SOX5: variants seen among roughly 807,000 people sequenced by gnomAD.
The protein encoded by SOX5 is SRY-box transcription factor 5, also known as transcription factor SOX-5.
A neutral mutation model predicts 92.0 loss-of-function variants in SOX5; 9 were observed. That is an observed-to-expected ratio of 0.10 (90% CI 0.06 to 0.17). The LOEUF (loss-of-function observed/expected upper bound fraction) is 0.17. Ranked by LOEUF, SOX5 falls within the 10% of genes least tolerant of loss-of-function variation. The pLI is 1.00. For missense variants in SOX5, 642 were observed against 944.5 expected, an observed-to-expected ratio of 0.68 and a Z score of 4.20; for synonymous variants, 344 against 336.3, an observed-to-expected ratio of 1.02 and a Z score of -0.25.
chr12:23,811,053 G>T (rs560199537), intron 3 of SOX5, among the ~76,000 whole-genome samples: 8 of 152,244 alleles, frequency 5.3e-5, no homozygotes, highest in African/African-American at 1.7e-4. Flanking sequence ...GAGTGGGGGT[G>T]AGTAAGGTAT....
chr12:23,533,260 CA>C lies in SOX5; in HGVS notation c.*958del. Reference sequence around the variant, plus strand: ...CCATAATCACATACATACATACACACAAAAATCCAAGATCAGAAAATATTTT... The same window carrying C: ...CCATAATCACATACATACATACACACAAAATCCAAGATCAGAAAATATTTT... On this transcript the variant is annotated 3_prime_UTR_variant, in exon 15 of 15. Transcript: ENST00000451604. 2 of 406,168 alleles carry C rather than the reference CA, an allele frequency of 4.9e-6. No individual in the cohort carries two copies. Among genetic ancestry groups the C allele is most frequent in the South Asian group, 1.8e-5 (1 of 56,868 alleles). 25.2% of individuals were successfully genotyped at this position (406,168 alleles called of 1,614,324 possible).
intron 2 of SOX5, among the ~76,000 whole-genome samples, chr12:24,300,249 G>A (rs1171647619): frequency 6.6e-6 from 1 of 152,076 alleles, no homozygotes; most frequent in Non-Finnish European, 1.5e-5. Flanking sequence ...AAAAACCTGT[G>A]GATATAGGAA....
At chr12:24,065,066 G>A (rs74068180) in intron 4 of SOX5, among the ~76,000 whole-genome samples, 1,546 of 152,224 alleles carry the variant, frequency 0.01, 25 homozygotes, top group African/African-American at 0.035. Context: ...GCTTCCTACT[G>A]AAGAATGGCA....
At chr12:24,122,732 C>G (rs954241832) in intron 4 of SOX5, among the ~76,000 whole-genome samples, 1 of 152,102 alleles carries the variant, frequency 6.6e-6, no homozygotes, top group Admixed American at 6.6e-5. Context: ...GTGAGATAAA[C>G]TATTGTGTCT....
intron 2 of SOX5, among the ~76,000 whole-genome samples, chr12:23,886,053 G>T (rs1282938164): frequency 6.6e-6 from 1 of 152,104 alleles, no homozygotes; most frequent in Non-Finnish European, 1.5e-5. Context: ...ACCACCAATA[G>T]TGTCCCAAGC....
At chr12:24,050,828 A>C (rs917546743) in intron 4 of SOX5, among the ~76,000 whole-genome samples, 3 of 152,106 alleles carry the variant, frequency 2.0e-5, no homozygotes, top group African/African-American at 4.8e-5. Context: ...CAATAAATGA[A>C]GCCATTCTTC....
upstream of SOX5, among the ~76,000 whole-genome samples, chr12:23,953,853 C>T (rs1032418898): frequency 3.3e-5 from 5 of 151,824 alleles, no homozygotes; most frequent in Admixed American, 6.6e-5. Context: ...TTGACACTGC[C>T]GCATCGGTAT....
intron 4 of SOX5, among the ~76,000 whole-genome samples, chr12:23,965,282 T>C (rs1320525732): frequency 3.9e-5 from 6 of 152,194 alleles, no homozygotes; most frequent in Non-Finnish European, 8.8e-5. Context: ...AGAATGACCA[T>C]GTGTCTGGGC....
chr12:23,852,962 G>C (rs1477918400), intron 2 of SOX5, among the ~76,000 whole-genome samples: 2 of 151,906 alleles, frequency 1.3e-5, no homozygotes, highest in African/African-American at 2.4e-5. Flanking sequence ...GAGAAGGAAA[G>C]GGGGGAATGA....
At chr12:24,335,362 T>C (rs1951771203) in intron 2 of SOX5, among the ~76,000 whole-genome samples, 1 of 152,214 alleles carries the variant, frequency 6.6e-6, no homozygotes, top group South Asian at 2.1e-4. Flanking sequence ...TTCATTTTCA[T>C]TTTATTATAA....
intron 3 of SOX5, among the ~76,000 whole-genome samples, chr12:24,229,164 A>C (rs1258790362): frequency 6.6e-6 from 1 of 152,222 alleles, no homozygotes; most frequent in Non-Finnish European, 1.5e-5. Flanking sequence ...CACCAGCATC[A>C]GGCACCGCCG....
At chr12:24,105,010 T>C (rs1426457658) in intron 4 of SOX5, among the ~76,000 whole-genome samples, 3 of 152,108 alleles carry the variant, frequency 2.0e-5, no homozygotes, top group African/African-American at 7.2e-5. Context: ...AAGAATACTA[T>C]CAAGAAAAAG....
At chr12:24,406,803 G>A (rs1963059974) in intron 1 of SOX5, among the ~76,000 whole-genome samples, 1 of 152,140 alleles carries the variant, frequency 6.6e-6, no homozygotes, top group Admixed American at 6.5e-5. Context: ...CGAAGCAAGG[G>A]AATACCTGCC....
At chr12:24,267,799 G>A (rs1043521075) in intron 3 of SOX5, among the ~76,000 whole-genome samples, 3 of 152,090 alleles carry the variant, frequency 2.0e-5, no homozygotes, top group Admixed American at 2.0e-4. Context: ...ATGATTGCTG[G>A]ACAACAGAAT....
At chr12:24,148,669 G>A (rs111326619) in intron 4 of SOX5, among the ~76,000 whole-genome samples, 1,559 of 101,446 alleles carry the variant, frequency 0.015, 38 homozygotes, top group African/African-American at 0.058. Flanking sequence ...GGAAAACATA[G>A]TGAGACCCCC....
At chr12:24,545,644 TA>T (rs1338775056) in intron 1 of SOX5, among the ~76,000 whole-genome samples, 1 of 152,188 alleles carries the variant, frequency 6.6e-6, no homozygotes, top group Non-Finnish European at 1.5e-5. Context: ...CTGAGAATTC[TA>T]AAAAATAGAG....
intron 1 of SOX5, among the ~76,000 whole-genome samples, chr12:24,434,941 T>C (rs1939115678): frequency 6.6e-6 from 1 of 152,240 alleles, no homozygotes; most frequent in Admixed American, 6.5e-5. Context: ...CTCAAATACC[T>C]AGCAGAGCTA....
At chr12:23,883,415 A>G (rs2097022677) in intron 2 of SOX5, among the ~76,000 whole-genome samples, 2 of 152,202 alleles carry the variant, frequency 1.3e-5, no homozygotes, top group Non-Finnish European at 2.9e-5. Context: ...AAGAAAATAC[A>G]GTCTTTTGTT....
chr12:23,965,983 T>C (rs1254816315), intron 4 of SOX5, among the ~76,000 whole-genome samples: 1 of 152,088 alleles, frequency 6.6e-6, no homozygotes, highest in Non-Finnish European at 1.5e-5. Context: ...AGCACAATGA[T>C]CTTCAACCAT....
Sources: allele counts gnomAD v4.1 joint callset (sites outside exome capture counted in the v4.1 genomes callset), GRCh38; gene constraint gnomAD v4.1.1; transcripts MANE v1.5; gene names NCBI Gene and HGNC (gene_info 2026-07-23, HGNC 2026-07-21).